Variants in EPHA5 observed in about 807,000 individuals in gnomAD.
EPHA5 encodes EPH receptor A5.
EPHA5 carries 60 observed loss-of-function variants against 105.0 expected under a neutral mutation model. The observed-to-expected ratio is 0.57, with a 90% CI of 0.46 to 0.71. The LOEUF is 0.71. Ranked by LOEUF, EPHA5 falls within the 30% of genes least tolerant of loss-of-function variation. The pLI is 0.00. For missense variants in EPHA5, 1,218 were observed against 1,274.7 expected, an observed-to-expected ratio of 0.96 and a Z score of 0.68; for synonymous variants, 513 against 449.1, an observed-to-expected ratio of 1.14 and a Z score of -1.80.
At chr4:65,575,724 C>A (rs1008883307) in intron 3 of EPHA5, among the ~76,000 whole-genome samples, 3 of 152,024 alleles carry the variant, frequency 2.0e-5, no homozygotes, top group African/African-American at 4.8e-5. Context: ...GTAAAACCAG[C>A]ATTTTGGGAG....
intron 3 of EPHA5, among the ~76,000 whole-genome samples, chr4:65,589,569 A>G (rs946545368): frequency 6.6e-6 from 1 of 152,168 alleles, no homozygotes; most frequent in African/African-American, 2.4e-5. Context: ...GCTCTAAGTG[A>G]AGTATGGAAG....
intron 15 of EPHA5, among the ~76,000 whole-genome samples, chr4:65,334,585 C>T (rs1184807734): frequency 6.6e-6 from 1 of 151,850 alleles, no homozygotes; most frequent in Non-Finnish European, 1.5e-5. Context: ...GACAATGGAC[C>T]AGGAACTAAC....
intron 8 of EPHA5, among the ~76,000 whole-genome samples, chr4:65,373,708 TA>T (rs1718714068): frequency 6.6e-6 from 1 of 151,912 alleles, no homozygotes. Context: ...AAAAAGTCTT[TA>T]AAAATGAAGT....
intron 3 of EPHA5, among the ~76,000 whole-genome samples, chr4:65,506,534 T>C (rs1240274505): frequency 1.4e-5 from 2 of 145,454 alleles, no homozygotes; most frequent in African/African-American, 2.5e-5. Context: ...TTTTTAATGA[T>C]CGCCATTCTA....
intron 2 of EPHA5, among the ~76,000 whole-genome samples, chr4:65,606,532 C>G (rs1744245468): frequency 6.6e-6 from 1 of 152,112 alleles, no homozygotes; most frequent in South Asian, 2.1e-4. Context: ...TAATTAAAAA[C>G]ACTAAGTATT....
chr4:65,606,684 C>T (rs959737755), intron 2 of EPHA5, among the ~76,000 whole-genome samples: 2 of 152,066 alleles, frequency 1.3e-5, no homozygotes, highest in East Asian at 1.9e-4. Context: ...ATTTGTGAGC[C>T]TATGTTTTCA....
intron 3 of EPHA5, among the ~76,000 whole-genome samples, chr4:65,572,824 A>G (rs1045459945): frequency 1.3e-5 from 2 of 151,724 alleles, no homozygotes; most frequent in Non-Finnish European, 2.9e-5. Context: ...TGAGGTCAGG[A>G]GTTTGAGACC....
At chr4:65,352,417 T>C (rs990064841) in intron 12 of EPHA5, among the ~76,000 whole-genome samples, 5 of 152,054 alleles carry the variant, frequency 3.3e-5, no homozygotes, top group Non-Finnish European at 7.4e-5. Context: ...TGCAAATATG[T>C]TACATTGTCT....
In EPHA5 at chr4:65,324,081, T is replaced by C; in HGVS notation, c.*33A>G. ...TCAGTGCTGTTTACAAAGTGCAGAA[T>C]CATTCACTTGAAGAAGCGACATTTA... On this transcript the variant is annotated 3_prime_UTR_variant, in exon 17 of 17. Transcript: ENST00000613740. 2 of 1,401,414 alleles carry C rather than the reference T, an allele frequency of 1.4e-6. No individual in the cohort carries two copies. The highest frequency in any genetic ancestry group is 2.0e-6 in the Non-Finnish European group (2 of 988,380). The allele number at this position is 1,401,414 out of a possible 1,614,324, so 86.8% of individuals were successfully genotyped here. A position where few individuals can be genotyped will look rare whatever the true frequency, so the allele number is the denominator to read the frequency against.
chr4:65,557,220 T>C (rs1236313141), intron 3 of EPHA5, among the ~76,000 whole-genome samples: 1 of 55,142 alleles, frequency 1.8e-5, no homozygotes, highest in Non-Finnish European at 3.6e-5. Flanking sequence ...ATTTTGAACA[T>C]CATTTATACT....
chr4:65,605,462 T>C (rs1025749918), intron 2 of EPHA5, among the ~76,000 whole-genome samples: 1 of 152,074 alleles, frequency 6.6e-6, no homozygotes, highest in Non-Finnish European at 1.5e-5. Flanking sequence ...CTATACATCG[T>C]TTTTTCATGA....
chr4:65,404,772 G>T (rs1722198591), intron 7 of EPHA5, among the ~76,000 whole-genome samples: 1 of 152,076 alleles, frequency 6.6e-6, no homozygotes, highest in Admixed American at 6.6e-5. Context: ...GGGGCCTTAG[G>T]TCTGTGAATT....
intron 5 of EPHA5, among the ~76,000 whole-genome samples, chr4:65,478,438 A>G (rs1379085063): frequency 1.3e-5 from 2 of 152,280 alleles, no homozygotes. Context: ...TATATACAAT[A>G]TATTTCCCTC....
At chr4:65,451,618 C>T (rs551067427) in intron 5 of EPHA5, among the ~76,000 whole-genome samples, 5 of 152,230 alleles carry the variant, frequency 3.3e-5, no homozygotes, top group East Asian at 1.9e-4. Context: ...AAAGTTAGTA[C>T]AGCTATAACA....
intron 5 of EPHA5, among the ~76,000 whole-genome samples, chr4:65,451,789 G>A (rs934145441): frequency 2.0e-5 from 3 of 152,224 alleles, no homozygotes; most frequent in South Asian, 2.1e-4. Context: ...ATATGTTTAC[G>A]AATGATTGTG....
intron 3 of EPHA5, chr4:65,573,606 C>T: frequency 6.3e-7 from 1 of 1,599,482 alleles, no homozygotes; most frequent in Non-Finnish European, 8.5e-7. Context: ...CAACCCTGTC[C>T]TTGTCAGAGG....
Position 65,495,557 on chromosome 4 carries a change from T to C in EPHA5, c.911-14A>G, listed in dbSNP as rs1249563998. 1.3e-6 allele frequency: 2 copies of C among 1,599,844 alleles called. No homozygotes were observed. The highest frequency in any genetic ancestry group is 3.5e-5 in the Admixed American group (2 of 56,678). ...CAGGTCTGCACACTGTCAAAAGAAA[T>C]AAGAGACTAAGCTTTTCCCTGGAAC... On this transcript the variant is annotated splice_polypyrimidine_tract_variant and intron_variant, in intron 3 of 16. Transcript: ENST00000613740.
At chr4:65,513,438 G>C (rs1383464051) in intron 3 of EPHA5, among the ~76,000 whole-genome samples, 1 of 152,066 alleles carries the variant, frequency 6.6e-6, no homozygotes, top group East Asian at 1.9e-4. Flanking sequence ...CCAGGCTGGA[G>C]TGCAGTGACG....
chr4:65,643,449 A>C (rs372281210), intron 1 of EPHA5, 22 bp from the exon 2 acceptor site: 4 of 1,594,048 alleles, frequency 2.5e-6, no homozygotes, highest in Non-Finnish European at 3.4e-6. Context: ...AGAACAAAAA[A>C]CTCAGTGAAA....
Sources: gnomAD v4.1 joint callset for allele counts (sites outside exome capture counted in the v4.1 genomes callset) on GRCh38, gnomAD v4.1.1 for gene constraint, MANE v1.5 for transcripts, NCBI Gene and HGNC (gene_info 2026-07-23, HGNC 2026-07-21) for gene names.